PLXNA2: variants seen among roughly 807,000 people sequenced by gnomAD.
PLXNA2 encodes the protein plexin-A2.
In PLXNA2, 91 loss-of-function variants were observed where a neutral mutation model predicts 193.5. That is an observed-to-expected ratio of 0.47 (90% CI 0.40 to 0.56). The LOEUF is 0.56. Among genes scored for constraint, PLXNA2 ranks in the 20% least tolerant of loss-of-function variants. The probability of loss-of-function intolerance (pLI) is 0.00; values close to 1 mark genes in which losing one functional copy is unlikely to be tolerated. For synonymous variants in PLXNA2, 997 were observed against 1,027.3 expected, an observed-to-expected ratio of 0.97 and a Z score of 0.56; for missense variants, 1,995 against 2,503.2, an observed-to-expected ratio of 0.80 and a Z score of 4.33.
At chr1:208,125,365 TCTCTCTTCATTC>T (rs1487178309) in intron 4 of PLXNA2, among the ~76,000 whole-genome samples, 6 of 152,196 alleles carry the variant, frequency 3.9e-5, no homozygotes, top group Non-Finnish European at 8.8e-5. Flanking sequence ...CTGCTCAGCA[TCTCTCTTCATTC>T]CATCTGCCAT....
chr1:208,218,232 T>C, intron 1 of PLXNA2: 1 of 494,186 alleles, frequency 2.0e-6, no homozygotes, highest in Non-Finnish European at 3.6e-6. Flanking sequence ...TTTTTTAAAA[T>C]TTTATTTTAC....
chr1:208,029,725 A>C, intron 29 of PLXNA2: 1 of 985,844 alleles, frequency 1.0e-6, no homozygotes, highest in Non-Finnish European at 1.2e-6. Flanking sequence ...ACCGATCAGT[A>C]GTTAGGAGAC....
intron 28 of PLXNA2, 72 bp downstream of exon 28, chr1:208,033,247 T>C: frequency 7.2e-7 from 1 of 1,395,964 alleles, no homozygotes; most frequent in South Asian, 1.3e-5. Context: ...CCAGACATCC[T>C]TTCTGTGTTG....
At chr1:208,243,519 G>C (rs1043400643) in intron 1 of PLXNA2, 124 bp downstream of exon 1, 3 of 152,096 alleles carry the variant, frequency 2.0e-5, no homozygotes, top group African/African-American at 7.2e-5. Flanking sequence ...CGGCCAAGCC[G>C]GGTCTTCTGG....
chr1:208,216,859 A>G lies in PLXNA2; in HGVS notation c.1064T>C (p.Leu355Pro). The G allele has an allele frequency of 1.2e-6, 2 of 1,614,236 alleles. No homozygotes were observed. The highest frequency in any genetic ancestry group is 8.5e-7 in the Non-Finnish European group (1 of 1,180,042). The change falls in exon 2 of 32, where the codon CTG (leucine) becomes CCG (proline). Residue 355 changes from leucine (L) to proline (P), a missense_variant. Physicochemically the swap from Leu to Pro is moderately conservative, Grantham distance 98. Transcript: ENST00000367033. ...QYHHPPDDSA[L>P]CAFPIRAINL... ...GATGGCCCGGATAGGGAAGGCACACAGGGCAGAGTCATCGGGCGGGTGGTG... is the reference window on the plus strand; with the variant it reads ...GATGGCCCGGATAGGGAAGGCACACGGGGCAGAGTCATCGGGCGGGTGGTG...
At chr1:208,146,871 G>A (rs184087177) in intron 3 of PLXNA2, among the ~76,000 whole-genome samples, 4 of 152,200 alleles carry the variant, frequency 2.6e-5, no homozygotes, top group Admixed American at 2.0e-4. Flanking sequence ...TTTCTATTTG[G>A]GATCTTCTTC....
At chr1:208,039,451 G>A (rs1482841502) in intron 24 of PLXNA2, among the ~76,000 whole-genome samples, 170 bp downstream of exon 24, 2 of 152,094 alleles carry the variant, frequency 1.3e-5, no homozygotes, top group East Asian at 3.9e-4. Flanking sequence ...GGGATGGGTG[G>A]GCGGGCCTGC....
At chr1:208,083,614 G>A (rs1374583974) in intron 10 of PLXNA2, among the ~76,000 whole-genome samples, 4 of 152,018 alleles carry the variant, frequency 2.6e-5, no homozygotes, top group Non-Finnish European at 5.9e-5. Flanking sequence ...TCTCTCCCAG[G>A]CGAATTAGCT....
intron 3 of PLXNA2, among the ~76,000 whole-genome samples, chr1:208,168,263 G>A (rs773296469): frequency 1.3e-5 from 2 of 152,190 alleles, no homozygotes; most frequent in Admixed American, 6.5e-5. Context: ...TCTGGATAGC[G>A]AGTAGAGGTA....
intron 3 of PLXNA2, among the ~76,000 whole-genome samples, chr1:208,186,461 C>T (rs1558234488): frequency 6.6e-6 from 1 of 152,176 alleles, no homozygotes; most frequent in Non-Finnish European, 1.5e-5. Context: ...CCCACAACCA[C>T]ACCTCCCATA....
At chr1:208,126,943 C>T (rs555493664) in intron 4 of PLXNA2, among the ~76,000 whole-genome samples, 15 of 152,226 alleles carry the variant, frequency 9.9e-5, no homozygotes, top group African/African-American at 3.1e-4. Context: ...CAATTCAGCA[C>T]CTTTATAAAA....
intron 12 of PLXNA2, among the ~76,000 whole-genome samples, chr1:208,072,234 C>T (rs1558177293): frequency 6.6e-6 from 1 of 152,184 alleles, no homozygotes; most frequent in Non-Finnish European, 1.5e-5. Flanking sequence ...GGAGAAGTTA[C>T]TGAGGCTGAA....
Position 208,220,542 on chromosome 1 carries a change from G to A in PLXNA2, c.-80-2540C>T, listed in dbSNP as rs541568763. ...CCGCCTCCCTGGTTCAAGCGATTCT[G>A]CTGCCTCAGCCTCCACAGTAGATGG... On this transcript the variant is annotated intron_variant, in intron 1 of 31. Transcript: ENST00000367033. 6.6e-5 allele frequency among the ~76,000 whole-genome samples: 10 copies of A among 151,794 alleles called. No individual in the cohort carries two copies. In the East Asian group the frequency reaches 1.9e-3, roughly 29 times the overall value.
intron 24 of PLXNA2, among the ~76,000 whole-genome samples, 197 bp downstream of exon 24, chr1:208,039,424 C>T (rs911982744): frequency 1.1e-4 from 16 of 146,056 alleles, no homozygotes; most frequent in African/African-American, 2.5e-4. Flanking sequence ...TAGGATAAAC[C>T]GAGGCATAGA....
chr1:208,074,055 G>A (rs546640787), intron 12 of PLXNA2, among the ~76,000 whole-genome samples: 2 of 152,320 alleles, frequency 1.3e-5, no homozygotes, highest in South Asian at 2.1e-4. Flanking sequence ...TGATACACTC[G>A]CTTGGAGTGA....
chr1:208,150,828 G>A (rs546444260), intron 3 of PLXNA2, among the ~76,000 whole-genome samples: 1 of 152,256 alleles, frequency 6.6e-6, no homozygotes, highest in South Asian at 2.1e-4. Context: ...CTACTCATGA[G>A]AGAATGACAC....
chr1:208,127,035 C>G (rs1473490781), intron 4 of PLXNA2, among the ~76,000 whole-genome samples: 1 of 152,238 alleles, frequency 6.6e-6, no homozygotes, highest in Non-Finnish European at 1.5e-5. Context: ...TTGATGCTGA[C>G]AGCAAGGGCC....
intron 1 of PLXNA2, 95 bp downstream of exon 1, chr1:208,243,548 G>A (rs1340571401): frequency 6.6e-6 from 1 of 152,074 alleles, no homozygotes; most frequent in African/African-American, 2.4e-5. Flanking sequence ...CCCCAAAGAG[G>A]CGGGCGCGGG....
intron 1 of PLXNA2, among the ~76,000 whole-genome samples, chr1:208,229,660 T>C (rs1160112492): frequency 6.6e-6 from 1 of 152,168 alleles, no homozygotes; most frequent in African/African-American, 2.4e-5. Flanking sequence ...GGAAGAAAGA[T>C]GGAGAAGAAT....
Sources: gnomAD v4.1 joint callset for allele counts (sites outside exome capture counted in the v4.1 genomes callset) on GRCh38, gnomAD v4.1.1 for gene constraint, MANE v1.5 for transcripts, NCBI Gene and HGNC (gene_info 2026-07-23, HGNC 2026-07-21) for gene names.